The following DOCK1 variants were observed in gnomAD, a reference collection of about 807,000 sequenced individuals.
The protein encoded by DOCK1 is dedicator of cytokinesis 1, also known as dedicator of cytokinesis protein 1.
Under a neutral mutation model 262.7 loss-of-function variants are expected in DOCK1, and 138 were observed. The ratio of observed to expected loss-of-function variants is 0.53; its 90% CI spans 0.46 to 0.61. The LOEUF is 0.61. Among genes scored for constraint, DOCK1 ranks in the 20% least tolerant of loss-of-function variants. DOCK1 has a pLI of 0.00. For synonymous variants in DOCK1, 866 were observed against 867.4 expected, an observed-to-expected ratio of 1.00 and a Z score of 0.03; for missense variants, 1,908 against 2,370.7, an observed-to-expected ratio of 0.80 and a Z score of 4.05.
At chr10:127,293,319 A>G (rs372508872) in intron 29 of DOCK1, among the ~76,000 whole-genome samples, 58 of 152,310 alleles carry the variant, frequency 3.8e-4, no homozygotes, top group African/African-American at 1.3e-3. Flanking sequence ...CCTTAGCACA[A>G]GTGGGAAAGG....
rs1220957098 is a variant in DOCK1, at chr10:127,043,051, AT to A, written c.2101-11del. ...TATGTTGCTAATGAAAATATTATTG[AT>A]TAATTTGACAGGTATTTATCATTGG... On this transcript the variant is annotated splice_polypyrimidine_tract_variant and intron_variant, in intron 20 of 51. Coordinates refer to ENST00000623213, the MANE Select transcript of DOCK1 (RefSeq NM_001290223.2). 6.3e-7 allele frequency: 1 copy of A among 1,577,518 alleles called. No homozygotes were observed. The highest frequency in any genetic ancestry group is 1.3e-5 in the African/African-American group (1 of 74,334).
intron 23 of DOCK1, among the ~76,000 whole-genome samples, chr10:127,084,262 T>C (rs2047070065): frequency 6.6e-6 from 1 of 152,236 alleles, no homozygotes; most frequent in Non-Finnish European, 1.5e-5. Context: ...CAGGCTTGTG[T>C]TCAAGAGTTC....
At chr10:127,087,973 G>A (rs959255878) in intron 23 of DOCK1, among the ~76,000 whole-genome samples, 4 of 152,114 alleles carry the variant, frequency 2.6e-5, no homozygotes, top group Non-Finnish European at 5.9e-5. Context: ...TCCAATAAAT[G>A]TAATTATTTT....
At chr10:127,382,848 T>C (rs1235254736) in intron 37 of DOCK1, among the ~76,000 whole-genome samples, 2 of 152,252 alleles carry the variant, frequency 1.3e-5, no homozygotes, top group Admixed American at 6.5e-5. Context: ...ATTGGATTTA[T>C]TGAGTACAGA....
At chr10:127,393,275 G>A (rs1207494757) in intron 38 of DOCK1, among the ~76,000 whole-genome samples, 1 of 152,208 alleles carries the variant, frequency 6.6e-6, no homozygotes, top group Non-Finnish European at 1.5e-5. Flanking sequence ...TAAAATGGAA[G>A]CCAGGTGGGA....
intron 31 of DOCK1, among the ~76,000 whole-genome samples, chr10:127,347,768 G>A (rs1055567373): frequency 6.7e-6 from 1 of 150,370 alleles, no homozygotes; most frequent in African/African-American, 2.5e-5. Flanking sequence ...TCTGGGGCCT[G>A]TCTCTTACTC....
At chr10:127,297,876 C>T (rs376228006) in intron 29 of DOCK1, among the ~76,000 whole-genome samples, 17 of 152,106 alleles carry the variant, frequency 1.1e-4, no homozygotes, top group African/African-American at 4.1e-4. Context: ...CGAGAGTGCC[C>T]GATTTCACCA....
chr10:126,973,745 C>T (rs2038292671), intron 2 of DOCK1, among the ~76,000 whole-genome samples: 1 of 152,084 alleles, frequency 6.6e-6, no homozygotes, highest in South Asian at 2.1e-4. Flanking sequence ...GAATAATGTA[C>T]TTCCATTTGT....
chr10:127,306,906 T>C (rs2061897980), intron 29 of DOCK1, among the ~76,000 whole-genome samples: 1 of 152,182 alleles, frequency 6.6e-6, no homozygotes, highest in Non-Finnish European at 1.5e-5. Flanking sequence ...AATACTTACA[T>C]GTATTATGTG....
intron 38 of DOCK1, among the ~76,000 whole-genome samples, chr10:127,390,530 T>A (rs2066412341): frequency 6.6e-6 from 1 of 151,958 alleles, no homozygotes; most frequent in African/African-American, 2.4e-5. Flanking sequence ...GGTGTCCTTA[T>A]AAGAAGGGGG....
chr10:127,003,864 G>C (rs984691448), intron 10 of DOCK1, among the ~76,000 whole-genome samples: 1 of 152,058 alleles, frequency 6.6e-6, no homozygotes, highest in Non-Finnish European at 1.5e-5. Context: ...TGAGGGAGAA[G>C]AGTTGCTTGA....
chr10:127,269,776 G>A (rs2060494330), intron 29 of DOCK1, among the ~76,000 whole-genome samples: 1 of 152,208 alleles, frequency 6.6e-6, no homozygotes, highest in South Asian at 2.1e-4. Context: ...TGAGTAGCAG[G>A]AGAGACTGCA....
At chr10:127,115,679 A>G (rs1473871977) in intron 25 of DOCK1, among the ~76,000 whole-genome samples, 2 of 152,376 alleles carry the variant, frequency 1.3e-5, no homozygotes, top group Admixed American at 6.5e-5. Context: ...CATTAATGTT[A>G]TAGAAATTGG....
At chr10:127,101,183 C>G (rs942167892) in intron 23 of DOCK1, among the ~76,000 whole-genome samples, 5 of 151,130 alleles carry the variant, frequency 3.3e-5, no homozygotes, top group African/African-American at 1.2e-4. Flanking sequence ...GAGTTCCTTT[C>G]TTGTGGTGGC....
intron 27 of DOCK1, among the ~76,000 whole-genome samples, chr10:127,172,111 TG>T (rs2054631553): frequency 1.3e-5 from 2 of 152,242 alleles, no homozygotes; most frequent in Non-Finnish European, 2.9e-5. Flanking sequence ...TTTGTTTGTT[TG>T]TTTTTTTAAA....
At chr10:127,126,613 G>A (rs1397328880) in intron 26 of DOCK1, among the ~76,000 whole-genome samples, 1 of 152,138 alleles carries the variant, frequency 6.6e-6, no homozygotes, top group Non-Finnish European at 1.5e-5. Context: ...AGCACATATG[G>A]AAAAGTCTGA....
rs539019350 is a variant in DOCK1 at position 127,309,247 on chromosome 10, T to A, written c.3045-29759T>A. Among the ~76,000 whole-genome samples the A allele has an allele frequency of 2.0e-5, 3 of 152,290 alleles. No individual in the cohort carries two copies. The South Asian group carries it at 6.2e-4, about 32-fold the overall frequency. On this transcript the variant is annotated intron_variant, in intron 29 of 51. Transcript: ENST00000623213. ...ACCATGAATGCCTTCTTTTGAGAAATGTCTGTTCATATCCTTTGCCCACTT... is the reference window on the plus strand; with the variant it reads ...ACCATGAATGCCTTCTTTTGAGAAAAGTCTGTTCATATCCTTTGCCCACTT...
chr10:127,045,833 G>A (rs887725050), intron 21 of DOCK1, among the ~76,000 whole-genome samples: 1 of 152,160 alleles, frequency 6.6e-6, no homozygotes, highest in African/African-American at 2.4e-5. Context: ...AGCTGCTGCA[G>A]GCTCCTCACT....
At chr10:126,956,420 C>T (rs1441137663) in intron 1 of DOCK1, among the ~76,000 whole-genome samples, 2 of 152,116 alleles carry the variant, frequency 1.3e-5, no homozygotes, top group African/African-American at 4.8e-5. Context: ...GTGACTGTAC[C>T]AGGTCCTGGT....
Sources: allele counts gnomAD v4.1 joint callset (sites outside exome capture counted in the v4.1 genomes callset), GRCh38; gene constraint gnomAD v4.1.1; transcripts MANE v1.5; gene names NCBI Gene and HGNC (gene_info 2026-07-23, HGNC 2026-07-21).